DNAJB2: variants seen among roughly 807,000 people sequenced by gnomAD.
The protein encoded by DNAJB2 is DnaJ heat shock protein family (Hsp40) member B2, also known as dnaJ homolog subfamily B member 2.
A neutral mutation model predicts 33.3 loss-of-function variants in DNAJB2; 19 were observed. The ratio of observed to expected loss-of-function variants is 0.57; its 90% CI spans 0.40 to 0.84. DNAJB2 has a LOEUF of 0.84. Among genes scored for constraint, DNAJB2 ranks in the 40% least tolerant of loss-of-function variants. The pLI, the probability that DNAJB2 is intolerant of heterozygous loss-of-function variation, is 0.00. For missense variants in DNAJB2, 368 were observed against 430.9 expected (o/e 0.85, Z 1.29); for synonymous variants, 172 against 164.6 (o/e 1.04, Z -0.34).
chr2:219,282,428 G>GT (rs1462063415), intron 5 of DNAJB2: 1 of 351,514 alleles, frequency 2.8e-6, no homozygotes, highest in Non-Finnish European at 5.2e-6. Context: ...TTTACATTTC[G>GT]TAAGTCTCTA....
At chr2:219,280,864 G>A in intron 3 of DNAJB2, 177 bp downstream of exon 3, 1 of 595,854 alleles carries the variant, frequency 1.7e-6, no homozygotes, top group Non-Finnish European at 3.0e-6. Context: ...GAGTCTGGTA[G>A]GAGTGGCTGG....
At chr2:219,280,213 T>A in intron 2 of DNAJB2, 1 of 513,556 alleles carries the variant, frequency 1.9e-6, no homozygotes, top group East Asian at 3.4e-5. Context: ...TTGGGCATTC[T>A]CAGGCTGCAG....
chr2:219,282,118 T>A (rs768381050), intron 5 of DNAJB2, 57 bp downstream of exon 5: 2 of 1,613,626 alleles, frequency 1.2e-6, no homozygotes, highest in South Asian at 2.2e-5. Flanking sequence ...GGCCTGTCCT[T>A]CCATCAGCTG....
At chr2:219,284,246 A>G (rs576638497) in intron 8 of DNAJB2, among the ~76,000 whole-genome samples, 1 of 152,126 alleles carries the variant, frequency 6.6e-6, no homozygotes, top group Admixed American at 6.5e-5. Flanking sequence ...TGCCCAGCTA[A>G]TTTTTAAACT....
chr2:219,283,674 G>A (rs929321936), intron 8 of DNAJB2, among the ~76,000 whole-genome samples, 185 bp downstream of exon 8: 2 of 152,210 alleles, frequency 1.3e-5, no homozygotes, highest in African/African-American at 2.4e-5. Flanking sequence ...CGAAGCCATC[G>A]CCGTCACTGT....
chr2:219,280,516 T>C, intron 2 of DNAJB2, 62 bp from the exon 3 acceptor site: 1 of 1,380,520 alleles, frequency 7.2e-7, no homozygotes, highest in South Asian at 1.2e-5. Context: ...GTCGTTCGGT[T>C]CCTGGGTGGG....
At position 219,285,916 on chromosome 2, in the gene DNAJB2, T is replaced by A; in HGVS notation, c.*929T>A. The A allele has an allele frequency of 6.3e-7, 1 of 1,597,324 alleles. No homozygotes were observed. The highest frequency in any genetic ancestry group is 8.5e-7 in the Non-Finnish European group (1 of 1,174,148). ...GCCATGCGGCCAGCCCAGGTCTGCA[T>A]GCTGAGCCCCATCCTCCACAGCTTG... is the stretch of plus-strand genomic sequence containing the variant. On this transcript the variant is annotated 3_prime_UTR_variant, in exon 9 of 9. Transcript: ENST00000336576.
At chr2:219,282,722 GAAAAGA>G in intron 5 of DNAJB2, 109 bp from the exon 6 acceptor site, 1 of 1,010,322 alleles carries the variant, frequency 9.9e-7, no homozygotes, top group Non-Finnish European at 1.4e-6. Flanking sequence ...CTAAAAAGCG[GAAAAGA>G]AAAACCCTAC....
chr2:219,284,945 T>C lies in DNAJB2; in HGVS notation c.933T>C (p.Ser311=), dbSNP rs2125083892. 6.4e-7 allele frequency: 1 copy of C among 1,555,718 alleles called. No individual in the cohort carries two copies. Among genetic ancestry groups the C allele is most frequent in the Non-Finnish European group, 8.7e-7 (1 of 1,146,422 alleles). Residue 311 remains serine, a synonymous_variant, in exon 9 of 9, where the codon AGT becomes AGC. Transcript: ENST00000336576. Reference sequence around the variant, plus strand: ...CGAGGGGTGAAGCAACCAAACGCAGTCCATCCCCAGAGGAGAAGGCCTCTC... The same window carrying C: ...CGAGGGGTGAAGCAACCAAACGCAGCCCATCCCCAGAGGAGAAGGCCTCTC... ...EGARGEATKR[S]PSPEEKASRC...
At chr2:219,280,095 G>C in intron 2 of DNAJB2, 197 bp downstream of exon 2, 2 of 608,030 alleles carry the variant, frequency 3.3e-6, no homozygotes, top group South Asian at 2.0e-5. Context: ...GAGTGAAGTA[G>C]TTAGTTCCTC....
chr2:219,282,740 C>A, intron 5 of DNAJB2, 97 bp from the exon 6 acceptor site: 1 of 1,172,152 alleles, frequency 8.5e-7, no homozygotes, highest in Non-Finnish European at 1.2e-6. Flanking sequence ...AAACCCTACC[C>A]AGTTGCTTAG....
chr2:219,279,840 T>G lies in DNAJB2; in HGVS notation c.7T>G (p.Ser3Ala). ...TGACGACTGACCAGTTGCCATGGCA[T>G]CCTACTACGAGATCCTAGACGTGCC... Reference protein sequence around the residue: MASYYEILDVPRS... With the variant: MAAYYEILDVPRS... The change falls in exon 2 of 9, where the codon TCC becomes GCC. Residue 3 changes from serine (S) to alanine (A), a missense_variant. Transcript: ENST00000336576. This position sits in a 1 kb window ranked among gnomAD's most constrained non-coding sequence, Gnocchi z 4.9. 6.2e-7 allele frequency: 1 copy of G among 1,613,962 alleles called. No individual in the cohort carries two copies. The highest frequency in any genetic ancestry group is 8.5e-7 in the Non-Finnish European group (1 of 1,179,962).
In DNAJB2 at chr2:219,284,815, C is replaced by T; in HGVS notation, c.803C>T (p.Ala268Val). Residue 268 changes from alanine (A) to valine (V), a missense_variant, in exon 9 of 9, where the codon GCA (alanine) becomes GTA (valine). Transcript: ENST00000336576. ...AMAYSLSEMEAAGKKPAGGRE... is the reference protein window; with the variant it reads ...AMAYSLSEMEVAGKKPAGGRE... ...GCCTACAGCCTGTCAGAGATGGAGG[C>T]AGCTGGGAAGAAACCCGCAGGTGGG... The T allele has an allele frequency of 3.1e-6, 5 of 1,612,538 alleles. No individual in the cohort carries two copies. The highest frequency in any genetic ancestry group is 4.2e-6 in the Non-Finnish European group (5 of 1,179,476).
At position 219,283,220 on chromosome 2, in the gene DNAJB2, G is replaced by A. The variant is rs202123709; in HGVS notation, c.533G>A (p.Arg178His). 41 of 1,614,060 alleles carry A rather than the reference G, an allele frequency of 2.5e-5. No homozygotes were observed. The highest frequency in any genetic ancestry group is 1.6e-4 in the Middle Eastern group (1 of 6,084). ...STSTTFVQGR[R>H]ITTRRIMENG... Reference sequence around the variant, plus strand: ...TCTACCACCTTTGTCCAAGGACGCCGCATCACCACACGCAGGTGAGAGCTC... The same window carrying A: ...TCTACCACCTTTGTCCAAGGACGCCACATCACCACACGCAGGTGAGAGCTC... The change falls in exon 7 of 9, where the codon CGC becomes CAC. Residue 178 changes from arginine to histidine, a missense_variant. Physicochemically the swap from Arg to His is conservative, Grantham distance 29. Coordinates refer to ENST00000336576, the MANE Select transcript of DNAJB2 (RefSeq NM_006736.6).
intron 5 of DNAJB2, 131 bp downstream of exon 5, chr2:219,282,192 C>G: frequency 6.6e-7 from 1 of 1,507,924 alleles, no homozygotes; most frequent in Non-Finnish European, 9.1e-7. Context: ...TTTTGTGGAG[C>G]TGGGTCCAGT....
At chr2:219,284,493 C>G (rs1195304273) in intron 8 of DNAJB2, 139 bp from the exon 9 acceptor site, 11 of 1,111,654 alleles carry the variant, frequency 9.9e-6, no homozygotes, top group Non-Finnish European at 1.2e-5. Flanking sequence ...CTCAAAATCA[C>G]AAGCCTAGGT....
At chr2:219,281,559 G>A in intron 3 of DNAJB2, 159 bp from the exon 4 acceptor site, 1 of 857,088 alleles carries the variant, frequency 1.2e-6, no homozygotes, top group South Asian at 1.6e-5. Context: ...CTGAGTTGCT[G>A]CCTAAACCTA....
At chr2:219,283,011 T>C (rs1951920048) in intron 6 of DNAJB2, 82 bp downstream of exon 6, 1 of 1,570,126 alleles carries the variant, frequency 6.4e-7, no homozygotes, top group Admixed American at 1.8e-5. Context: ...CAAGCCTGTC[T>C]CCTGTGTTGG....
intron 8 of DNAJB2, among the ~76,000 whole-genome samples, chr2:219,284,142 C>T (rs906939896): frequency 3.9e-5 from 6 of 152,154 alleles, no homozygotes; most frequent in Non-Finnish European, 8.8e-5. Flanking sequence ...CAGCCCAGCA[C>T]GATTATGGCT....
Sources: allele counts gnomAD v4.1 joint callset (sites outside exome capture counted in the v4.1 genomes callset), GRCh38; gene constraint gnomAD v4.1.1; non-coding constraint Gnocchi (gnomAD v3.1); transcripts MANE v1.5; gene names NCBI Gene and HGNC (gene_info 2026-07-23, HGNC 2026-07-21).